Variants in PIP5K1B observed in about 807,000 individuals in gnomAD.
PIP5K1B encodes phosphatidylinositol 4-phosphate 5-kinase type-1 beta.
In PIP5K1B, 42 loss-of-function variants were observed where a neutral mutation model predicts 67.0. That is an observed-to-expected ratio of 0.63 (90% CI 0.49 to 0.81). The LOEUF is 0.81. PIP5K1B is among the 30% of genes least tolerant of loss of function. The probability of loss-of-function intolerance (pLI) is 0.00; values close to 1 mark genes in which losing one functional copy is unlikely to be tolerated. For missense variants in PIP5K1B, 459 were observed against 646.3 expected, an observed-to-expected ratio of 0.71 and a Z score of 3.14; for synonymous variants, 214 against 231.4, an observed-to-expected ratio of 0.92 and a Z score of 0.68.
chr9:68,850,310 C>A (rs1219795138), intron 4 of PIP5K1B, among the ~76,000 whole-genome samples: 1 of 152,180 alleles, frequency 6.6e-6, no homozygotes, highest in African/African-American at 2.4e-5. Flanking sequence ...GAGAACCAGG[C>A]AAAATACCCA....
intron 1 of PIP5K1B, chr9:68,727,490 G>C (rs934960890): frequency 6.6e-6 from 1 of 152,134 alleles, no homozygotes; most frequent in Non-Finnish European, 1.5e-5. Context: ...AAAGAATATG[G>C]GGAAGTGGTC....
intron 4 of PIP5K1B, among the ~76,000 whole-genome samples, chr9:68,849,065 C>A (rs1423101419): frequency 6.6e-6 from 1 of 152,132 alleles, no homozygotes; most frequent in Non-Finnish European, 1.5e-5. Flanking sequence ...TTGGCAGTAC[C>A]TACCAAAAGT....
chr9:68,925,125 A>AT (rs150248536), intron 12 of PIP5K1B, among the ~76,000 whole-genome samples: 14,776 of 151,136 alleles, frequency 0.098, 882 homozygotes, highest in Non-Finnish European at 0.14. Flanking sequence ...GACGTAATCT[A>AT]ATTTTTTTTT....
At chr9:68,932,422 T>G (rs1248197022) in intron 12 of PIP5K1B, among the ~76,000 whole-genome samples, 1 of 152,182 alleles carries the variant, frequency 6.6e-6, no homozygotes, top group Non-Finnish European at 1.5e-5. Context: ...TTAAAAATAT[T>G]TATTAATTCT....
At chr9:68,926,396 G>A (rs953582284) in intron 12 of PIP5K1B, among the ~76,000 whole-genome samples, 1 of 151,900 alleles carries the variant, frequency 6.6e-6, no homozygotes, top group Non-Finnish European at 1.5e-5. Flanking sequence ...TTTAACTCAC[G>A]GGTAATCAAA....
At chr9:68,792,556 T>C (rs1323372488) in intron 2 of PIP5K1B, among the ~76,000 whole-genome samples, 1 of 152,202 alleles carries the variant, frequency 6.6e-6, no homozygotes, top group African/African-American at 2.4e-5. Flanking sequence ...CTCGGTTCAC[T>C]GCAAGCTCCG....
chr9:68,950,554 C>T (rs1340420679), intron 14 of PIP5K1B, among the ~76,000 whole-genome samples: 1 of 152,154 alleles, frequency 6.6e-6, no homozygotes, highest in African/African-American at 2.4e-5. Context: ...CCTTCTGAGC[C>T]TAGCTCTTGT....
At chr9:68,870,457 A>G (rs1823577222) in intron 5 of PIP5K1B, among the ~76,000 whole-genome samples, 1 of 152,192 alleles carries the variant, frequency 6.6e-6, no homozygotes. Context: ...TCCATTCATG[A>G]GCACTCTCTA....
intron 2 of PIP5K1B, among the ~76,000 whole-genome samples, chr9:68,752,766 G>A (rs1252048944): frequency 6.6e-6 from 1 of 151,932 alleles, no homozygotes; most frequent in African/African-American, 2.4e-5. Flanking sequence ...CTGCTTTTGA[G>A]GTTAATTTAC....
intron 2 of PIP5K1B, among the ~76,000 whole-genome samples, chr9:68,790,091 ACT>A (rs1831875285): frequency 6.6e-6 from 1 of 151,996 alleles, no homozygotes; most frequent in Non-Finnish European, 1.5e-5. Context: ...CCCCTAAAAA[ACT>A]CTAAGTTAAA....
chr9:68,979,618 A>G (rs1232052920), intron 14 of PIP5K1B, among the ~76,000 whole-genome samples: 1 of 128,808 alleles, frequency 7.8e-6, no homozygotes, highest in Non-Finnish European at 1.7e-5. Context: ...GCAGGAGCTC[A>G]GTCACTGCCA....
chr9:68,857,959 TTTGTTGTTG>T lies in PIP5K1B; in HGVS notation c.70-5854_70-5846del, dbSNP rs71353086. 6.2e-3 allele frequency among the ~76,000 whole-genome samples: 926 copies of T among 149,420 alleles called. 8 individuals are homozygous for T. Among genetic ancestry groups the T allele is most frequent in the African/African-American group, 0.022 (882 of 40,570 alleles). On this transcript the variant is annotated intron_variant, in intron 4 of 15. Transcript: ENST00000265382. ...CATATAAGAATTACTCTCTTGCTGT[TTTGTTGTTG>T]TTGTTGTTGTTGTTGTTGTTGTTAA...
intron 12 of PIP5K1B, 30 bp downstream of exon 12, chr9:68,923,416 T>C (rs1431072218): frequency 1.8e-6 from 2 of 1,101,472 alleles, no homozygotes; most frequent in Non-Finnish European, 2.7e-6. Context: ...TTTTTTTTAC[T>C]TTTAGCAGCT....
At chr9:68,795,169 G>A (rs73646762) in intron 2 of PIP5K1B, among the ~76,000 whole-genome samples, 7,583 of 150,316 alleles carry the variant, frequency 0.05, 346 homozygotes, top group African/African-American at 0.12. Flanking sequence ...GAGAGAGAGC[G>A]TGTGTGTGTG....
chr9:68,867,266 G>A (rs920717740), intron 5 of PIP5K1B, among the ~76,000 whole-genome samples: 5 of 151,828 alleles, frequency 3.3e-5, no homozygotes, highest in Admixed American at 6.6e-5. Context: ...CGGCTCCCAC[G>A]CCACCCTGGC....
At chr9:68,743,803 G>A (rs1438783126) in intron 2 of PIP5K1B, among the ~76,000 whole-genome samples, 2 of 152,172 alleles carry the variant, frequency 1.3e-5, no homozygotes, top group Non-Finnish European at 2.9e-5. Context: ...TTGAATGGGT[G>A]GAGTTAAAGA....
At chr9:68,811,532 C>T (rs1833165870) in intron 2 of PIP5K1B, among the ~76,000 whole-genome samples, 1 of 152,132 alleles carries the variant, frequency 6.6e-6, no homozygotes. Context: ...CTCCATGCTT[C>T]TAAACATACC....
intron 4 of PIP5K1B, 102 bp downstream of exon 4, chr9:68,822,785 A>C (rs1833795390): frequency 6.2e-6 from 5 of 809,126 alleles, no homozygotes; most frequent in Non-Finnish European, 8.3e-6. Flanking sequence ...GTAAGTTACT[A>C]TCTTAGTTTC....
intron 1 of PIP5K1B, among the ~76,000 whole-genome samples, chr9:68,741,798 T>C (rs1829022916): frequency 1.3e-5 from 2 of 152,154 alleles, no homozygotes; most frequent in South Asian, 4.1e-4. Flanking sequence ...GTTATCACTT[T>C]CTCCTCCATG....
Sources: allele counts gnomAD v4.1 joint callset (sites outside exome capture counted in the v4.1 genomes callset), GRCh38; gene constraint gnomAD v4.1.1; transcripts MANE v1.5; gene names NCBI Gene and HGNC (gene_info 2026-07-23, HGNC 2026-07-21).